The following OPA3 variants were observed in gnomAD, a reference collection of about 807,000 sequenced individuals.
OPA3 encodes optic atrophy 3 protein.
In OPA3, 6 loss-of-function variants were observed where a neutral mutation model predicts 4.0. That is an observed-to-expected ratio of 1.51 (90% CI 0.83 to 2.99). The LOEUF (loss-of-function observed/expected upper bound fraction) is 2.99. OPA3 is among the 30% of genes most tolerant of loss of function. The probability of loss-of-function intolerance (pLI) is 0.00; values close to 1 mark genes in which losing one functional copy is unlikely to be tolerated. For synonymous variants in OPA3, 105 were observed against 117.1 expected (o/e 0.90, Z 0.67); for missense variants, 235 against 256.2 (o/e 0.92, Z 0.56).
At position 45,584,768 on chromosome 19, in the gene OPA3, G is replaced by C. The variant is rs774359394; in HGVS notation, c.-4C>G. The C allele has an allele frequency of 6.8e-6, 11 of 1,613,632 alleles. 1 individual carries two copies. In the East Asian group the frequency reaches 2.2e-4, roughly 33 times the overall value. On this transcript the variant is annotated 5_prime_UTR_variant, in exon 1 of 2. Transcript: ENST00000263275. Reference sequence around the variant, plus strand: ...TAGGGAACGCGCCCACCACCATCTTGGCGGTCTCACAGGGCACGCGCAACC... The same window carrying C: ...TAGGGAACGCGCCCACCACCATCTTCGCGGTCTCACAGGGCACGCGCAACC...
In OPA3 at chr19:45,548,701, T is replaced by C; in HGVS notation, c.*4813A>G. On this transcript the variant is annotated 3_prime_UTR_variant, in exon 2 of 2. Transcript: ENST00000263275. ...GCGGGAGACGCCCTACCAAGGACAC[T>C]GGGTCCATGTCCCGGTGCGGGACCA... The C allele has an allele frequency of 1.0e-6, 1 of 981,606 alleles. No individual in the cohort carries two copies. The highest frequency in any genetic ancestry group is 1.2e-6 in the Non-Finnish European group (1 of 826,902). The allele number at this position is 981,606 out of a possible 1,614,324, so 60.8% of individuals were successfully genotyped here.
chr19:45,567,387 T>C (rs954290365), intron 1 of OPA3, among the ~76,000 whole-genome samples: 11 of 150,024 alleles, frequency 7.3e-5, no homozygotes, highest in African/African-American at 2.7e-4. Flanking sequence ...TATTGATACA[T>C]TCAGCAAGAA....
chr19:45,580,083 G>A (rs1481631022), intron 1 of OPA3, among the ~76,000 whole-genome samples: 7 of 140,368 alleles, frequency 5.0e-5, no homozygotes, highest in South Asian at 2.3e-4. Context: ...TGCAACCTCC[G>A]CCTCCCATGT....
chr19:45,553,029 T>C lies in OPA3; in HGVS notation c.*485A>G. ...ACTGATGCTCAGCTAGAGCTGACCT[T>C]AGAAGGTGAGGGGGAGAAAAGGCCA... On this transcript the variant is annotated 3_prime_UTR_variant, in exon 2 of 2. Transcript: ENST00000263275. 6.9e-6 allele frequency: 7 copies of C among 1,021,256 alleles called. No individual in the cohort carries two copies. Among genetic ancestry groups the C allele is most frequent in the Non-Finnish European group, 8.2e-6 (7 of 851,530 alleles). 63.3% of individuals were successfully genotyped at this position (1,021,256 alleles called of 1,614,324 possible).
chr19:45,576,934 C>T (rs1395455031), intron 1 of OPA3, among the ~76,000 whole-genome samples: 1 of 152,184 alleles, frequency 6.6e-6, no homozygotes, highest in African/African-American at 2.4e-5. Context: ...GGACCAGTCA[C>T]TCTACTGCCT....
chr19:45,584,285 C>A, intron 1 of OPA3: 1 of 961,972 alleles, frequency 1.0e-6, no homozygotes, highest in Non-Finnish European at 1.2e-6. Context: ...TCTCCTCAGC[C>A]CCTCCCCTAG....
At chr19:45,540,346 T>A (rs1322499256) in intron 1 of OPA3, among the ~76,000 whole-genome samples, 4 of 142,672 alleles carry the variant, frequency 2.8e-5, no homozygotes, top group Non-Finnish European at 6.1e-5. Context: ...AAATAAAAAA[T>A]AAAATAAAAC....
intron 1 of OPA3, among the ~76,000 whole-genome samples, chr19:45,538,717 CGT>C (rs888575003): frequency 2.1e-5 from 3 of 141,660 alleles, no homozygotes; most frequent in African/African-American, 5.3e-5. Context: ...AGTGAGACTC[CGT>C]CTCAAAAAAA....
chr19:45,572,647 T>G (rs1261314118), intron 1 of OPA3, among the ~76,000 whole-genome samples: 4 of 138,244 alleles, frequency 2.9e-5, no homozygotes, highest in Non-Finnish European at 6.1e-5. Context: ...TATATATCGA[T>G]ATATATCATA....
chr19:45,534,906 C>T (rs904686306), intron 1 of OPA3, among the ~76,000 whole-genome samples: 3 of 152,046 alleles, frequency 2.0e-5, no homozygotes, highest in African/African-American at 7.2e-5. Flanking sequence ...GCTGGGATTA[C>T]AGGTGTGAGT....
At chr19:45,533,777 C>T (rs1969086121) in intron 1 of OPA3, among the ~76,000 whole-genome samples, 1 of 152,152 alleles carries the variant, frequency 6.6e-6, no homozygotes, top group Non-Finnish European at 1.5e-5. Flanking sequence ...AGGTGAAAAC[C>T]CAGGGATTGG....
chr19:45,547,196 A>G lies in OPA3; in HGVS notation c.*6318T>C, dbSNP rs900985865. The G allele has an allele frequency of 6.6e-6, 1 of 152,228 alleles. No homozygotes were observed. Among genetic ancestry groups the G allele is most frequent in the African/African-American group, 2.4e-5 (1 of 41,448 alleles). The allele number at this position is 152,228 out of a possible 1,614,324, so 9.4% of individuals were successfully genotyped here. On this transcript the variant is annotated 3_prime_UTR_variant, in exon 2 of 2. Coordinates refer to ENST00000263275, the MANE Select transcript of OPA3 (RefSeq NM_025136.4). ...TGGGATGACCTCCACAGTTGTGCCA[A>G]TCAAGGCAAGGGGCAGCCTTTGCTT...
Position 45,548,058 on chromosome 19 carries a change from G to T in OPA3, c.*5456C>A. 1.1e-6 allele frequency: 1 copy of T among 937,138 alleles called. No individual in the cohort carries two copies. The highest frequency in any genetic ancestry group is 1.3e-6 in the Non-Finnish European group (1 of 786,014). The allele number at this position is 937,138 out of a possible 1,614,324, so 58.1% of individuals were successfully genotyped here. On this transcript the variant is annotated 3_prime_UTR_variant, in exon 2 of 2. Transcript: ENST00000263275. ...AATGTCAGCTCCAGTGAGGGCCTCTGCTTGCTCCCAACTGGCTCCCAGCTA... is the reference window on the plus strand; with the variant it reads ...AATGTCAGCTCCAGTGAGGGCCTCTTCTTGCTCCCAACTGGCTCCCAGCTA...
At chr19:45,563,699 G>A (rs1969539232) in intron 1 of OPA3, among the ~76,000 whole-genome samples, 1 of 151,838 alleles carries the variant, frequency 6.6e-6, no homozygotes. Flanking sequence ...GGGACTACAG[G>A]CGCACGCCAC....
intron 1 of OPA3, among the ~76,000 whole-genome samples, chr19:45,573,890 C>T (rs571422284): frequency 3.8e-4 from 58 of 152,288 alleles, no homozygotes; most frequent in South Asian, 1.7e-3. Flanking sequence ...CGGCTGGGTG[C>T]GGTGGCTCAC....
intron 1 of OPA3, among the ~76,000 whole-genome samples, chr19:45,579,272 G>A (rs1331775851): frequency 2.0e-5 from 3 of 152,146 alleles, no homozygotes; most frequent in Non-Finnish European, 4.4e-5. Context: ...CCAGGCTGGA[G>A]TGCAGTGGTG....
At chr19:45,572,597 T>TTATATATGTATATAAATATATATATC (rs1969696649) in intron 1 of OPA3, among the ~76,000 whole-genome samples, 16 of 129,846 alleles carry the variant, frequency 1.2e-4, no homozygotes, top group Non-Finnish European at 2.4e-4. Flanking sequence ...ATATATATAT[T>TTATATATGTATATAAATATATATATC]GATATATATC....
At chr19:45,556,605 G>A (rs1378284974) in intron 1 of OPA3, among the ~76,000 whole-genome samples, 1 of 152,092 alleles carries the variant, frequency 6.6e-6, no homozygotes, top group Non-Finnish European at 1.5e-5. Flanking sequence ...CAATCATCCT[G>A]CCTCAGCCTC....
chr19:45,545,714 T>C (rs956434059), downstream of OPA3, among the ~76,000 whole-genome samples: 17 of 145,806 alleles, frequency 1.2e-4, no homozygotes, highest in South Asian at 9.1e-4. Flanking sequence ...GCTTTTCTTT[T>C]TTTTTTTTTT....
Sources: gnomAD v4.1 joint callset for allele counts (sites outside exome capture counted in the v4.1 genomes callset) on GRCh38, gnomAD v4.1.1 for gene constraint, MANE v1.5 for transcripts, NCBI Gene and HGNC (gene_info 2026-07-23, HGNC 2026-07-21) for gene names.